CSMD1: variants seen among roughly 807,000 people sequenced by gnomAD.
CSMD1 encodes the protein CUB and Sushi multiple domains 1, also known as CUB and sushi domain-containing protein 1.
In CSMD1, 213 loss-of-function variants were observed where a neutral mutation model predicts 417.5. That is an observed-to-expected ratio of 0.51 (90% CI 0.46 to 0.57). The LOEUF (loss-of-function observed/expected upper bound fraction) is 0.57, where lower values mean the gene tolerates loss of function less well. CSMD1 is among the 20% of genes least tolerant of loss of function. The pLI, the probability that CSMD1 is intolerant of heterozygous loss-of-function variation, is 0.00. For synonymous variants in CSMD1, 2,862 were observed against 1,736.8 expected, an observed-to-expected ratio of 1.65 and a Z score of -16.11; for missense variants, 6,923 against 4,529.7, an observed-to-expected ratio of 1.53 and a Z score of -15.17.
chr8:4,737,160 A>T (rs888185355), intron 1 of CSMD1, among the ~76,000 whole-genome samples: 3 of 152,194 alleles, frequency 2.0e-5, no homozygotes, highest in Non-Finnish European at 4.4e-5. Flanking sequence ...AGCCACAAAA[A>T]AAGAATGAGA....
At chr8:4,261,707 G>A (rs1312781862) in intron 3 of CSMD1, among the ~76,000 whole-genome samples, 1 of 152,042 alleles carries the variant, frequency 6.6e-6, no homozygotes. Context: ...ACCTCTTCTG[G>A]CTGAGAGCAG....
chr8:3,907,265 C>G (rs894058254), intron 5 of CSMD1, among the ~76,000 whole-genome samples: 3 of 152,148 alleles, frequency 2.0e-5, no homozygotes, highest in Admixed American at 2.0e-4. Flanking sequence ...GATCGTAAGT[C>G]TTTACATGCA....
In CSMD1 at chr8:3,969,181, C is replaced by A. The variant is rs574216996; in HGVS notation, c.818+28722G>T. Among the ~76,000 whole-genome samples, 11 of 152,216 alleles carry A rather than the reference C, an allele frequency of 7.2e-5. No individual in the cohort carries two copies. The East Asian group carries it at 1.7e-3, about 24-fold the overall frequency. On this transcript the variant is annotated intron_variant, in intron 5 of 69. Transcript: ENST00000635120. ...AGGAGAATTGCTTGAACCTGGGAGG[C>A]AGTGGTTGCAGTGAGCCTAGATCGT... is the stretch of plus-strand genomic sequence containing the variant.
intron 1 of CSMD1, among the ~76,000 whole-genome samples, chr8:4,968,634 CA>C (rs1810034896): frequency 6.6e-6 from 1 of 152,096 alleles, no homozygotes; most frequent in South Asian, 2.1e-4. Flanking sequence ...GTGCTGATTT[CA>C]AATATTCTAT....
intron 33 of CSMD1, among the ~76,000 whole-genome samples, chr8:3,197,186 G>C (rs992621920): frequency 6.6e-6 from 1 of 152,160 alleles, no homozygotes; most frequent in African/African-American, 2.4e-5. Flanking sequence ...GGATGACATG[G>C]AGGGTGGGAA....
chr8:4,002,332 T>C (rs766731422), intron 4 of CSMD1, among the ~76,000 whole-genome samples: 1 of 152,162 alleles, frequency 6.6e-6, no homozygotes, highest in Non-Finnish European at 1.5e-5. Flanking sequence ...TCTTAATTTC[T>C]CCGCTATTTT....
At chr8:4,190,816 G>A (rs934471870) in intron 3 of CSMD1, among the ~76,000 whole-genome samples, 3 of 152,060 alleles carry the variant, frequency 2.0e-5, no homozygotes, top group African/African-American at 7.2e-5. Flanking sequence ...GATGGAGCTG[G>A]GGGCCATTAC....
chr8:4,790,663 C>A (rs985491449), intron 1 of CSMD1, among the ~76,000 whole-genome samples: 1 of 152,066 alleles, frequency 6.6e-6, no homozygotes, highest in Non-Finnish European at 1.5e-5. Flanking sequence ...GTTACAGAAC[C>A]CAGAAATAAA....
In CSMD1 at chr8:3,959,699, T is replaced by C. The variant is rs1446005572; in HGVS notation, c.818+38204A>G. On this transcript the variant is annotated intron_variant, in intron 5 of 69. Coordinates refer to ENST00000635120, the MANE Select transcript of CSMD1 (RefSeq NM_033225.6). ...AGTACAGCAGGTAAGTTTCTTTATATGATATACCTGAACACAGAATGTTTT... is the reference window on the plus strand; with the variant it reads ...AGTACAGCAGGTAAGTTTCTTTATACGATATACCTGAACACAGAATGTTTT... Among the ~76,000 whole-genome samples, 5 of 152,220 alleles carry C rather than the reference T, an allele frequency of 3.3e-5. 1 individual carries two copies. The highest frequency in any genetic ancestry group is 7.3e-5 in the Non-Finnish European group (5 of 68,040).
At chr8:4,031,669 T>A (rs962092407) in intron 4 of CSMD1, among the ~76,000 whole-genome samples, 4 of 152,220 alleles carry the variant, frequency 2.6e-5, no homozygotes, top group African/African-American at 4.8e-5. Context: ...TATTATTACT[T>A]ATCACATGTT....
intron 1 of CSMD1, among the ~76,000 whole-genome samples, chr8:4,704,498 A>G (rs1244625165): frequency 2.6e-5 from 4 of 152,084 alleles, no homozygotes; most frequent in South Asian, 4.1e-4. Context: ...TTGTAGTACT[A>G]TTTTCTCCCT....
At chr8:4,069,493 C>A (rs980666769) in intron 3 of CSMD1, among the ~76,000 whole-genome samples, 1 of 152,124 alleles carries the variant, frequency 6.6e-6, no homozygotes. Flanking sequence ...AGTAAATGTG[C>A]AGACAGCCTG....
intron 3 of CSMD1, among the ~76,000 whole-genome samples, chr8:4,304,775 A>G (rs1269958002): frequency 2.0e-5 from 3 of 152,206 alleles, no homozygotes; most frequent in Non-Finnish European, 4.4e-5. Context: ...ATTACAATAA[A>G]TTAGTAACTT....
At chr8:3,597,696 T>A (rs978376976) in intron 8 of CSMD1, among the ~76,000 whole-genome samples, 1 of 152,100 alleles carries the variant, frequency 6.6e-6, no homozygotes, top group African/African-American at 2.4e-5. Context: ...GGGACATGGA[T>A]GAAACTGGAA....
rs76515426 is a variant in CSMD1, at chr8:4,162,944, C to T, written c.416-130845G>A. Among the ~76,000 whole-genome samples the T allele has an allele frequency of 2.1e-3, 326 of 152,306 alleles. 1 individual carries two copies. The highest frequency in any genetic ancestry group is 7.4e-3 in the African/African-American group (308 of 41,566). ...ACCACTGGTCTTTTTACTGTCTCTA[C>T]AGTTCTGCCTTTTCCAAAATGCCCT... On this transcript the variant is annotated intron_variant, in intron 3 of 69. Transcript: ENST00000635120.
intron 49 of CSMD1, among the ~76,000 whole-genome samples, chr8:3,061,682 CAA>C (rs1187620877): frequency 6.6e-6 from 1 of 152,300 alleles, no homozygotes; most frequent in Admixed American, 6.5e-5. Context: ...GTAGAAATGA[CAA>C]AGTTATAGCG....
chr8:4,436,445 C>T (rs1798153758), intron 2 of CSMD1, among the ~76,000 whole-genome samples: 1 of 151,970 alleles, frequency 6.6e-6, no homozygotes, highest in Non-Finnish European at 1.5e-5. Context: ...GGGTACATGG[C>T]ATGTTTTGAT....
intron 1 of CSMD1, among the ~76,000 whole-genome samples, chr8:4,967,788 T>C (rs1809976079): frequency 6.6e-6 from 1 of 152,120 alleles, no homozygotes; most frequent in Non-Finnish European, 1.5e-5. Context: ...TAGAGAACTG[T>C]TAGAATTCAC....
At chr8:4,087,008 G>T (rs931331201) in intron 3 of CSMD1, among the ~76,000 whole-genome samples, 1 of 152,200 alleles carries the variant, frequency 6.6e-6, no homozygotes, top group South Asian at 2.1e-4. Flanking sequence ...TGGGGATAAC[G>T]CTATGTACAT....
Sources: gnomAD v4.1 joint callset for allele counts (sites outside exome capture counted in the v4.1 genomes callset) on GRCh38, gnomAD v4.1.1 for gene constraint, MANE v1.5 for transcripts, NCBI Gene and HGNC (gene_info 2026-07-23, HGNC 2026-07-21) for gene names.